Variants in ANKS1B observed in about 807,000 individuals in gnomAD.
The protein encoded by ANKS1B is ankyrin repeat and sterile alpha motif domain-containing protein 1B.
A neutral mutation model predicts 148.3 loss-of-function variants in ANKS1B; 36 were observed. The observed-to-expected ratio is 0.24, with a 90% CI of 0.19 to 0.32. The LOEUF (loss-of-function observed/expected upper bound fraction) is 0.32, where lower values mean the gene tolerates loss of function less well. Among genes scored for constraint, ANKS1B ranks in the 10% least tolerant of loss-of-function variants. ANKS1B has a pLI of 1.00. For missense variants in ANKS1B, 1,157 were observed against 1,542.6 expected (o/e 0.75, Z 4.19); for synonymous variants, 542 against 560.8 (o/e 0.97, Z 0.47).
intron 2 of ANKS1B, among the ~76,000 whole-genome samples, chr12:99,819,958 T>C (rs902053475): frequency 6.6e-6 from 1 of 151,718 alleles, no homozygotes; most frequent in African/African-American, 2.4e-5. Context: ...GGCCAGCCAA[T>C]TGCTTTTCAG....
At chr12:99,216,508 T>C (rs2084222827) in intron 14 of ANKS1B, among the ~76,000 whole-genome samples, 1 of 152,204 alleles carries the variant, frequency 6.6e-6, no homozygotes, top group South Asian at 2.1e-4. Context: ...TTTAAAAAAA[T>C]CTATAATTTT....
intron 12 of ANKS1B, among the ~76,000 whole-genome samples, chr12:99,338,975 C>T (rs1410413297): frequency 6.6e-6 from 1 of 152,178 alleles, no homozygotes; most frequent in African/African-American, 2.4e-5. Context: ...TCTCTCAGAA[C>T]TGTGGGCTTC....
At chr12:99,219,795 A>T (rs2084801585) in intron 14 of ANKS1B, among the ~76,000 whole-genome samples, 1 of 152,204 alleles carries the variant, frequency 6.6e-6, no homozygotes, top group African/African-American at 2.4e-5. Flanking sequence ...CTTTGAGCAT[A>T]GCTGTTAGCT....
chr12:99,714,505 AC>A (rs1281332764), intron 8 of ANKS1B, among the ~76,000 whole-genome samples: 3 of 152,164 alleles, frequency 2.0e-5, no homozygotes, highest in Non-Finnish European at 4.4e-5. Context: ...GCTTGGTGTC[AC>A]ATTTTGATAA....
chr12:99,500,732 G>A (rs1316173356), intron 10 of ANKS1B, among the ~76,000 whole-genome samples: 1 of 152,142 alleles, frequency 6.6e-6, no homozygotes, highest in African/African-American at 2.4e-5. Flanking sequence ...CAATTATTGT[G>A]CTCTGTTGAA....
intron 17 of ANKS1B, among the ~76,000 whole-genome samples, chr12:98,966,783 G>A (rs554371563): frequency 2.7e-5 from 4 of 150,038 alleles, no homozygotes; most frequent in East Asian, 2.0e-4. Context: ...GCAAACTATC[G>A]CAAGGATAAA....
intron 15 of ANKS1B, among the ~76,000 whole-genome samples, chr12:99,151,801 T>C (rs1212535301): frequency 2.0e-5 from 3 of 152,134 alleles, no homozygotes; most frequent in Non-Finnish European, 2.9e-5. Flanking sequence ...CTCCTGAAAA[T>C]ATTTCCTAAA....
At chr12:99,627,633 AAC>A (rs2098122571) in intron 9 of ANKS1B, among the ~76,000 whole-genome samples, 1 of 152,232 alleles carries the variant, frequency 6.6e-6, no homozygotes, top group South Asian at 2.1e-4. Flanking sequence ...TTCAGAATTC[AAC>A]AAACATAGCC....
chr12:99,068,638 A>G (rs2045289330), intron 16 of ANKS1B, among the ~76,000 whole-genome samples: 1 of 141,354 alleles, frequency 7.1e-6, no homozygotes, highest in African/African-American at 2.6e-5. Context: ...GAAGTAAGTG[A>G]TTGTATGTGT....
At chr12:99,821,734 T>C (rs568087989) in intron 2 of ANKS1B, among the ~76,000 whole-genome samples, 3 of 152,214 alleles carry the variant, frequency 2.0e-5, no homozygotes, top group African/African-American at 2.4e-5. Context: ...TAATAGAGTT[T>C]ATCTTCCCAA....
In ANKS1B at chr12:98,913,024, A is replaced by AT. The variant is rs143290973; in HGVS notation, c.2779-80889dup. ...GGACATGTGCTTTTTATTTCTCCAC[A>AT]TTTTACATCATATCCTATCATACAC... On this transcript the variant is annotated intron_variant, in intron 17 of 26. Coordinates refer to ENST00000683438, the MANE Select transcript of ANKS1B (RefSeq NM_001352186.2). Among the ~76,000 whole-genome samples the AT allele has an allele frequency of 2.6e-3, 396 of 152,178 alleles. 10 individuals carry two copies. In the East Asian group the frequency reaches 0.047, roughly 18 times the overall value.
chr12:99,583,956 G>A (rs1008354935), intron 9 of ANKS1B, among the ~76,000 whole-genome samples: 5 of 152,190 alleles, frequency 3.3e-5, no homozygotes, highest in South Asian at 4.1e-4. Flanking sequence ...CAATGTTAGA[G>A]TTGGCCTCTT....
At chr12:99,265,553 G>A (rs1394888488) in intron 12 of ANKS1B, among the ~76,000 whole-genome samples, 1 of 152,150 alleles carries the variant, frequency 6.6e-6, no homozygotes, top group Admixed American at 6.5e-5. Context: ...AGTTAGGAGA[G>A]GATCAGAACT....
intron 14 of ANKS1B, among the ~76,000 whole-genome samples, chr12:99,210,571 G>A (rs1486873240): frequency 6.6e-6 from 1 of 152,138 alleles, no homozygotes; most frequent in East Asian, 1.9e-4. Flanking sequence ...TTGTACTAGT[G>A]TTCCCTTTTA....
chr12:99,075,821 A>T (rs1442523693), intron 16 of ANKS1B, among the ~76,000 whole-genome samples: 3 of 117,962 alleles, frequency 2.5e-5, no homozygotes, highest in African/African-American at 5.5e-5. Context: ...CAAAAAATGT[A>T]TTATCGTATA....
At chr12:98,837,200 G>A (rs1182564630) in intron 17 of ANKS1B, among the ~76,000 whole-genome samples, 2 of 151,786 alleles carry the variant, frequency 1.3e-5, no homozygotes, top group Non-Finnish European at 2.9e-5. Flanking sequence ...AGCCAGGCAT[G>A]GTGGCGCACG....
chr12:99,033,782 G>A (rs1440681426), intron 17 of ANKS1B, among the ~76,000 whole-genome samples: 1 of 152,188 alleles, frequency 6.6e-6, no homozygotes, highest in Non-Finnish European at 1.5e-5. Context: ...TCCTATGGTT[G>A]ACTATCTTCA....
chr12:99,231,314 T>C (rs865820035), intron 14 of ANKS1B, among the ~76,000 whole-genome samples: 2 of 152,252 alleles, frequency 1.3e-5, no homozygotes, highest in South Asian at 4.1e-4. Context: ...TGGCTCTCTT[T>C]AGTGCATGTC....
intron 12 of ANKS1B, among the ~76,000 whole-genome samples, chr12:99,292,493 C>T (rs189784348): frequency 0.019 from 2,717 of 146,468 alleles, 84 homozygotes; most frequent in African/African-American, 0.066. Context: ...CCAGCCTGGG[C>T]GACAGAGCAA....
Sources: allele counts gnomAD v4.1 joint callset (sites outside exome capture counted in the v4.1 genomes callset), GRCh38; gene constraint gnomAD v4.1.1; transcripts MANE v1.5; gene names NCBI Gene and HGNC (gene_info 2026-07-23, HGNC 2026-07-21).